ZNF584: variants seen among roughly 807,000 people sequenced by gnomAD.
ZNF584 encodes the protein zinc finger protein 584.
ZNF584 carries 12 observed loss-of-function variants against 14.7 expected under a neutral mutation model. The observed-to-expected ratio is 0.82, with a 90% CI of 0.52 to 1.32. The LOEUF (loss-of-function observed/expected upper bound fraction) is 1.32. Among genes scored for constraint, ZNF584 ranks in the 40% most tolerant of loss-of-function variants. The pLI is 0.00. For synonymous variants in ZNF584, 204 were observed against 190.9 expected (o/e 1.07, Z -0.57); for missense variants, 478 against 518.8 (o/e 0.92, Z 0.76).
Position 58,408,963 on chromosome 19 carries a change from C to T in ZNF584, c.-185C>T. 2 of 640,556 alleles carry T rather than the reference C, an allele frequency of 3.1e-6. No individual in the cohort carries two copies. The highest frequency in any genetic ancestry group is 4.8e-6 in the Non-Finnish European group (2 of 415,226). The allele number at this position is 640,556 out of a possible 1,614,324, so 39.7% of individuals were successfully genotyped here. ...GCTCGCGGACAGGCGCCGTGGGTCT[C>T]CCGGGCCTCCGTACCGTCCTCCTTC... On this transcript the variant is annotated 5_prime_UTR_variant, in exon 1 of 4. Transcript: ENST00000306910.
At chr19:58,402,265 C>T (rs1246062252) in intron 1 of ZNF584, among the ~76,000 whole-genome samples, 1 of 115,156 alleles carries the variant, frequency 8.7e-6, no homozygotes, top group Non-Finnish European at 1.9e-5. Flanking sequence ...GGAGTCTCGC[C>T]CTAGGTTGGG....
intron 2 of ZNF584, among the ~76,000 whole-genome samples, chr19:58,412,537 T>C (rs559151076): frequency 6.6e-6 from 1 of 152,152 alleles, no homozygotes; most frequent in South Asian, 2.1e-4. Context: ...ACTCCCGACC[T>C]CAGGTGATCC....
At chr19:58,413,109 C>T (rs915487282) in intron 2 of ZNF584, among the ~76,000 whole-genome samples, 3 of 151,934 alleles carry the variant, frequency 2.0e-5, no homozygotes, top group African/African-American at 7.2e-5. Flanking sequence ...TTTGGTTTGT[C>T]GGTTCTCTTT....
intron 3 of ZNF584, 168 bp from the exon 4 acceptor site, chr19:58,416,643 C>A: frequency 1.4e-6 from 1 of 710,838 alleles, no homozygotes; most frequent in Non-Finnish European, 2.1e-6. Context: ...CTCACGTGAT[C>A]TGCCCGCCTT....
At chr19:58,414,480 A>G (rs1226258861) in intron 2 of ZNF584, among the ~76,000 whole-genome samples, 1 of 151,280 alleles carries the variant, frequency 6.6e-6, no homozygotes, top group African/African-American at 2.4e-5. Context: ...CTGGGACTAC[A>G]GGCGCCTGCC....
At chr19:58,409,837 G>A in intron 1 of ZNF584, 104 bp from the exon 2 acceptor site, 1 of 1,371,936 alleles carries the variant, frequency 7.3e-7, no homozygotes, top group Non-Finnish European at 1.0e-6. Context: ...GAAAGATAAT[G>A]TCAGGGGGAG....
chr19:58,405,915 G>A (rs1461902808), upstream of ZNF584: 39 of 174,158 alleles, frequency 2.2e-4, no homozygotes, highest in Admixed American at 1.5e-3. Context: ...GCGGCCAGGC[G>A]GAGACGCTCC....
chr19:58,409,831 G>T (rs1160099916), intron 1 of ZNF584, 110 bp from the exon 2 acceptor site: 3 of 1,331,460 alleles, frequency 2.3e-6, no homozygotes, highest in Middle Eastern at 1.9e-4. Context: ...CATAGGGAAA[G>T]ATAATGTCAG....
At chr19:58,413,210 G>A (rs1013586909) in intron 2 of ZNF584, among the ~76,000 whole-genome samples, 1 of 151,782 alleles carries the variant, frequency 6.6e-6, no homozygotes, top group South Asian at 2.1e-4. Flanking sequence ...CTTGTTCCTT[G>A]AGGTATAAAG....
At chr19:58,416,148 G>A in intron 3 of ZNF584, 1 of 542,502 alleles carries the variant, frequency 1.8e-6, no homozygotes, top group Middle Eastern at 5.0e-4. Flanking sequence ...CCTCATCTCA[G>A]TTGAGGTTTT....
At chr19:58,410,933 A>C (rs1170917173) in intron 2 of ZNF584, among the ~76,000 whole-genome samples, 1 of 149,968 alleles carries the variant, frequency 6.7e-6, no homozygotes, top group Non-Finnish European at 1.5e-5. Flanking sequence ...CTGGGACTAC[A>C]GGCTCGCGCC....
rs567656599 is a variant in ZNF584 at position 58,411,800 on chromosome 19, C to T, written c.169+1709C>T. The stretch of plus-strand genomic sequence containing the variant: ...CTGGGACTATAGGCGTGCACCACCA[C>T]GCCCAGCTAATTTTTGTATTTTTCG... On this transcript the variant is annotated intron_variant, in intron 2 of 3. Transcript: ENST00000306910. Among the ~76,000 whole-genome samples the T allele has an allele frequency of 2.5e-4, 37 of 150,204 alleles. 1 individual carries two copies. The South Asian group carries it at 7.0e-3, about 29-fold the overall frequency.
At chr19:58,415,953 C>A (rs1388442317) in intron 3 of ZNF584, 5 of 1,594,990 alleles carry the variant, frequency 3.1e-6, no homozygotes, top group Non-Finnish European at 4.2e-6. Context: ...ATTTGAACTT[C>A]AGCCAATCCT....
In ZNF584 at chr19:58,416,403, A is replaced by AT. The variant is rs143334237; in HGVS notation, c.293-391dup. The AT allele has an allele frequency of 8.0e-3, 1,070 of 133,094 alleles. 8 individuals carry two copies. Among genetic ancestry groups the AT allele is most frequent in the South Asian group, 0.015 (63 of 4,284 alleles). 8.2% of individuals were successfully genotyped at this position (133,094 alleles called of 1,614,324 possible). On this transcript the variant is annotated intron_variant, in intron 3 of 3. Transcript: ENST00000306910. ...AGGCGCCTGCCACCATGCCTGGCTA[A>AT]TTTTTTTTTTTTTTTTTGAGTCGGA...
In ZNF584 at chr19:58,408,996, C is replaced by T; in HGVS notation, c.-152C>T. On this transcript the variant is annotated 5_prime_UTR_variant, in exon 1 of 4. Coordinates refer to ENST00000306910, the MANE Select transcript of ZNF584 (RefSeq NM_173548.3). ...TCCGTACCGTCCTCCTTCCCAGCGG[C>T]TCCGGGAAGCGGTTCCCTGTCTTCG... 1.0e-6 allele frequency: 1 copy of T among 1,001,294 alleles called. No homozygotes were observed. Among genetic ancestry groups the T allele is most frequent in the Admixed American group, 3.5e-5 (1 of 28,678 alleles). The allele number at this position is 1,001,294 out of a possible 1,614,324, so 62.0% of individuals were successfully genotyped here. A position where few individuals can be genotyped will look rare whatever the true frequency, so the allele number is the denominator to read the frequency against.
upstream of ZNF584, chr19:58,406,342 A>AGGGGGGGGG (rs1201178942): frequency 2.0e-5 from 1 of 49,496 alleles, no homozygotes; most frequent in African/African-American, 6.1e-5. Flanking sequence ...CCGTGGAAAG[A>AGGGGGGGGG]GCGGGGGGGG....
At chr19:58,401,928 A>G (rs12972276) in intron 1 of ZNF584, among the ~76,000 whole-genome samples, 3 of 126,986 alleles carry the variant, frequency 2.4e-5, no homozygotes, top group African/African-American at 6.7e-5. Flanking sequence ...TTTTAGCCGG[A>G]CGTGGTGGCG....
Position 58,415,513 on chromosome 19 carries a change from G to T in ZNF584, c.170-11G>T. The T allele has an allele frequency of 6.2e-7, 1 of 1,607,794 alleles. No homozygotes were observed. The highest frequency in any genetic ancestry group is 8.5e-7 in the Non-Finnish European group (1 of 1,175,178). ...GCCCAGCCTGTTTCTTTTACTACCT[G>T]TCACCCGCAGGACTTGCACCTTCGA... is the stretch of plus-strand genomic sequence containing the variant. On this transcript the variant is annotated splice_polypyrimidine_tract_variant and intron_variant, in intron 2 of 3. Coordinates refer to ENST00000306910, the MANE Select transcript of ZNF584 (RefSeq NM_173548.3).
At chr19:58,403,986 A>G (rs1019626280), upstream of ZNF584, among the ~76,000 whole-genome samples, 5 of 151,634 alleles carry the variant, frequency 3.3e-5, no homozygotes, top group African/African-American at 1.2e-4. Context: ...AGAAGAAACT[A>G]AAATGAGGTC....
Sources: gnomAD v4.1 joint callset for allele counts (sites outside exome capture counted in the v4.1 genomes callset) on GRCh38, gnomAD v4.1.1 for gene constraint, MANE v1.5 for transcripts, NCBI Gene and HGNC (gene_info 2026-07-23, HGNC 2026-07-21) for gene names.